Variants in AOAH observed in about 807,000 individuals in gnomAD.
AOAH encodes the protein acyloxyacyl hydrolase, also known as acyloxyacyl hydrolase (neutrophil).
AOAH carries 64 observed loss-of-function variants against 92.2 expected under a neutral mutation model. That is an observed-to-expected ratio of 0.69 (90% CI 0.57 to 0.86). The LOEUF (loss-of-function observed/expected upper bound fraction) is 0.86, where lower values mean the gene tolerates loss of function less well. Ranked by LOEUF, AOAH falls within the 40% of genes least tolerant of loss-of-function variation. The probability of loss-of-function intolerance (pLI) is 0.00; values close to 1 mark genes in which losing one functional copy is unlikely to be tolerated. For synonymous variants in AOAH, 263 were observed against 254.5 expected (o/e 1.03, Z -0.32); for missense variants, 656 against 694.6 (o/e 0.94, Z 0.62).
rs1785885016 is a variant in AOAH, at chr7:36,547,452, TG to T, written c.1133+1159del. 8.5e-5 allele frequency among the ~76,000 whole-genome samples: 13 copies of T among 152,218 alleles called. No individual in the cohort carries two copies. The South Asian group carries it at 2.7e-3, about 32-fold the overall frequency. On this transcript the variant is annotated intron_variant, in intron 15 of 20. Transcript: ENST00000617537. The stretch of plus-strand genomic sequence containing the variant: ...TTGAGTTTTGTTTTCAGCACAGGCT[TG>T]GAAAGCATGGCGTATGAAATACAGG...
chr7:36,626,569 A>G (rs1426719023), intron 6 of AOAH, among the ~76,000 whole-genome samples: 1 of 152,224 alleles, frequency 6.6e-6, no homozygotes, highest in Non-Finnish European at 1.5e-5. Context: ...ATTTGGTAGC[A>G]AAACTTGACC....
chr7:36,635,466 A>G (rs1477121537), intron 5 of AOAH, among the ~76,000 whole-genome samples: 1 of 152,172 alleles, frequency 6.6e-6, no homozygotes, highest in Non-Finnish European at 1.5e-5. Flanking sequence ...TGTGTGGCAA[A>G]GTGCTTTTCA....
chr7:36,720,130 A>G (rs1481783527), intron 1 of AOAH, among the ~76,000 whole-genome samples: 1 of 149,474 alleles, frequency 6.7e-6, no homozygotes, highest in Non-Finnish European at 1.5e-5. Flanking sequence ...ATGTTTCTAG[A>G]ATTCTAAAGT....
chr7:36,650,526 C>T (rs1794512364), intron 4 of AOAH, among the ~76,000 whole-genome samples: 1 of 152,210 alleles, frequency 6.6e-6, no homozygotes, highest in Non-Finnish European at 1.5e-5. Context: ...TCCAGCACAA[C>T]AGTTCTCACC....
At chr7:36,624,867 C>A (rs1415975121) in intron 6 of AOAH, among the ~76,000 whole-genome samples, 1 of 152,194 alleles carries the variant, frequency 6.6e-6, no homozygotes, top group Non-Finnish European at 1.5e-5. Flanking sequence ...CTTCTTCTGT[C>A]CCCCTAGGGA....
chr7:36,715,605 T>C (rs1799103245), intron 1 of AOAH, among the ~76,000 whole-genome samples: 2 of 149,872 alleles, frequency 1.3e-5, no homozygotes, highest in Non-Finnish European at 3.0e-5. Context: ...CAAAACAGCA[T>C]GGTACTGGTA....
chr7:36,613,768 T>C (rs1223993489), intron 11 of AOAH, among the ~76,000 whole-genome samples: 1 of 152,244 alleles, frequency 6.6e-6, no homozygotes, highest in Admixed American at 6.5e-5. Context: ...TTCTTTTTCA[T>C]GTGTGCAATT....
intron 5 of AOAH, among the ~76,000 whole-genome samples, chr7:36,636,840 A>G (rs1584000507): frequency 6.6e-6 from 1 of 152,210 alleles, no homozygotes; most frequent in South Asian, 2.1e-4. Flanking sequence ...TACTTGCGAA[A>G]TCTGGCAAGC....
intron 19 of AOAH, among the ~76,000 whole-genome samples, chr7:36,524,758 T>C (rs139803013): frequency 0.015 from 2,201 of 151,198 alleles, 54 homozygotes; most frequent in African/African-American, 0.05. Flanking sequence ...TTTTAAACCA[T>C]GTGAGGATAT....
At chr7:36,563,863 G>T (rs564067698) in intron 13 of AOAH, among the ~76,000 whole-genome samples, 72 of 152,172 alleles carry the variant, frequency 4.7e-4, no homozygotes, top group African/African-American at 9.9e-4. Flanking sequence ...GAAACATTGA[G>T]ACTACTCTAT....
chr7:36,549,466 G>A lies in AOAH; in HGVS notation c.1031C>T (p.Ser344Phe). Residue 344 changes from serine (S) to phenylalanine (F), a missense_variant, in exon 14 of 21, where the codon TCC becomes TTC. Physicochemically the swap from Ser to Phe is radical, Grantham distance 155. Coordinates refer to ENST00000617537, the MANE Select transcript of AOAH (RefSeq NM_001637.4). Reference protein sequence around the residue: ...YQNISRNGASSRNLKKFIESL... With the variant: ...YQNISRNGASFRNLKKFIESL... ...TTCTATAAATTTCTTCAGGTTTCGG[G>A]AAGATGCACCTGAATAATTAAAATT... The A allele has an allele frequency of 6.3e-7, 1 of 1,594,662 alleles. No homozygotes were observed. The highest frequency in any genetic ancestry group is 8.6e-7 in the Non-Finnish European group (1 of 1,167,742).
intron 12 of AOAH, among the ~76,000 whole-genome samples, chr7:36,587,632 A>T (rs1789436073): frequency 6.6e-6 from 1 of 152,188 alleles, no homozygotes; most frequent in Non-Finnish European, 1.5e-5. Context: ...GCTATAATAT[A>T]AAAAAATCAT....
intron 15 of AOAH, among the ~76,000 whole-genome samples, chr7:36,544,615 A>G (rs1785675904): frequency 6.6e-6 from 1 of 152,160 alleles, no homozygotes; most frequent in South Asian, 2.1e-4. Flanking sequence ...TGGGGAAAAT[A>G]ATGAGAGAGA....
At chr7:36,673,771 G>A (rs957408950) in intron 3 of AOAH, among the ~76,000 whole-genome samples, 172 bp downstream of exon 3, 2 of 152,144 alleles carry the variant, frequency 1.3e-5, no homozygotes. Flanking sequence ...GTAGAGTGAC[G>A]AAGGATCCAA....
rs1219356972 is a variant in AOAH at position 36,614,336 on chromosome 7, GT to G, written c.846+2043del. ...GCATCAGACCCGGGCAGGGCTTTAT[GT>G]GTGTGCAACCAGTGGGTCCCATGAG... is the stretch of plus-strand genomic sequence containing the variant. On this transcript the variant is annotated intron_variant, in intron 11 of 20. Transcript: ENST00000617537. This position sits in a 1 kb window ranked among gnomAD's most constrained non-coding sequence, Gnocchi z 4.2. 1.3e-5 allele frequency among the ~76,000 whole-genome samples: 2 copies of G among 152,186 alleles called. No homozygotes were observed. Among genetic ancestry groups the G allele is most frequent in the Admixed American group, 6.5e-5 (1 of 15,276 alleles).
At chr7:36,576,866 C>T (rs1045366547) in intron 12 of AOAH, among the ~76,000 whole-genome samples, 2 of 152,062 alleles carry the variant, frequency 1.3e-5, no homozygotes, top group African/African-American at 4.8e-5. Context: ...GTATGGGTGT[C>T]GTAAGAATAC....
chr7:36,537,506 G>GTTTTTTTTTTTTTTTTTTTTTTTTT (rs67918250), intron 16 of AOAH, among the ~76,000 whole-genome samples: 2 of 134,802 alleles, frequency 1.5e-5, no homozygotes, highest in Non-Finnish European at 3.1e-5. Flanking sequence ...CACCCCTCTT[G>GTTTTTTTTTTTTTTTTTTTTTTTTT]TTTTTTTTTT....
intron 8 of AOAH, among the ~76,000 whole-genome samples, 159 bp downstream of exon 8, chr7:36,621,551 T>C (rs1452723934): frequency 1.3e-5 from 2 of 152,268 alleles, no homozygotes; most frequent in Non-Finnish European, 2.9e-5. Context: ...AACGAACGAA[T>C]GAATGCCGTT....
chr7:36,523,260 A>T (rs1784204535), intron 19 of AOAH, among the ~76,000 whole-genome samples: 1 of 152,234 alleles, frequency 6.6e-6, no homozygotes, highest in Admixed American at 6.5e-5. Flanking sequence ...TCTGGGTTTT[A>T]CTAGAGGCTG....
Sources: allele counts gnomAD v4.1 joint callset (sites outside exome capture counted in the v4.1 genomes callset), GRCh38; gene constraint gnomAD v4.1.1; non-coding constraint Gnocchi (gnomAD v3.1); transcripts MANE v1.5; gene names NCBI Gene and HGNC (gene_info 2026-07-23, HGNC 2026-07-21).